Variants in RGP1 observed in about 807,000 individuals in gnomAD.
RGP1 encodes the protein RGP1 partner of RAB6A GEF complex.
RGP1 carries 28 observed loss-of-function variants against 44.5 expected under a neutral mutation model. The ratio of observed to expected loss-of-function variants is 0.63; its 90% CI spans 0.47 to 0.86. The LOEUF is 0.86. RGP1 is among the 40% of genes least tolerant of loss of function. The probability of loss-of-function intolerance (pLI) is 0.00; values close to 1 mark genes in which losing one functional copy is unlikely to be tolerated. For synonymous variants in RGP1, 212 were observed against 196.7 expected, an observed-to-expected ratio of 1.08 and a Z score of -0.65; for missense variants, 417 against 490.7, an observed-to-expected ratio of 0.85 and a Z score of 1.42.
the RGP1 span, among the ~76,000 whole-genome samples, chr9:35,775,795 A>C: frequency 1.3e-5 from 2 of 152,152 alleles, 1 homozygote; most frequent in South Asian, 4.1e-4. Flanking sequence ...TTTTTGCTTT[A>C]CTCTTCCAGA....
At chr9:35,772,791 A>AT in the RGP1 span, among the ~76,000 whole-genome samples, 64 of 57,432 alleles carry the variant, frequency 1.1e-3, no homozygotes, top group East Asian at 0.01. Context: ...ACTCTGTCTC[A>AT]AAAAAAAAAA....
rs768751976 is a variant in RGP1, at chr9:35,749,405, C to T, written c.-23C>T. 1 of 558,380 alleles carries T rather than the reference C, an allele frequency of 1.8e-6. No individual in the cohort carries two copies. Among genetic ancestry groups the T allele is most frequent in the Non-Finnish European group, 3.6e-6 (1 of 275,814 alleles). 34.6% of individuals were successfully genotyped at this position (558,380 alleles called of 1,614,324 possible). A position where few individuals can be genotyped will look rare whatever the true frequency, so the allele number is the denominator to read the frequency against. ...GTGCCGATCCCTAGTGTCGACTATGCGAGGTGACTAGCGGCGGTGATCTTG... is the reference window on the plus strand; with the variant it reads ...GTGCCGATCCCTAGTGTCGACTATGTGAGGTGACTAGCGGCGGTGATCTTG... On this transcript the variant is annotated 5_prime_UTR_variant, in exon 1 of 9. An upstream open reading frame in the 5' UTR gains an earlier in-frame stop. Transcript: ENST00000378078. This position sits in a 1 kb window ranked among gnomAD's most constrained non-coding sequence, Gnocchi z 4.4.
the RGP1 span, among the ~76,000 whole-genome samples, chr9:35,773,526 G>A: frequency 1.3e-5 from 2 of 148,842 alleles, 1 homozygote; most frequent in Admixed American, 1.3e-4. Flanking sequence ...TTTTTGAGAC[G>A]GAGGCTGCTT....
chr9:35,767,283 GT>G, the RGP1 span, among the ~76,000 whole-genome samples: 3,205 of 108,372 alleles, frequency 0.03, 82 homozygotes, highest in African/African-American at 0.099. Flanking sequence ...AAGCAAATTG[GT>G]TTTTTTTTTT....
chr9:35,769,390 G>T, the RGP1 span, among the ~76,000 whole-genome samples: 2 of 149,986 alleles, frequency 1.3e-5, no homozygotes, highest in East Asian at 3.9e-4. Context: ...TTTCTCATTC[G>T]CTCATTCTTT....
chr9:35,771,086 T>C, the RGP1 span, among the ~76,000 whole-genome samples: 1 of 152,216 alleles, frequency 6.6e-6, no homozygotes. Context: ...TCTTTGCCTC[T>C]ATCTTTGCCC....
chr9:35,755,331 G>A lies in RGP1; in HGVS notation c.*2457G>A, dbSNP rs1347898732. ...AGCAGTTGCTGTGATTGGGGCTAAA[G>A]CTCTGAGGCAAAATGGGCGACATTA... On this transcript the variant is annotated 3_prime_UTR_variant, in exon 9 of 9. Coordinates refer to ENST00000378078, the MANE Select transcript of RGP1 (RefSeq NM_001080496.3). The A allele has an allele frequency of 6.6e-6, 1 of 152,240 alleles. No individual in the cohort carries two copies. The highest frequency in any genetic ancestry group is 1.5e-5 in the Non-Finnish European group (1 of 68,062). 9.4% of individuals were successfully genotyped at this position (152,240 alleles called of 1,614,324 possible).
chr9:35,774,200 A>G, the RGP1 span, among the ~76,000 whole-genome samples: 1 of 152,206 alleles, frequency 6.6e-6, no homozygotes, highest in African/African-American at 2.4e-5. Flanking sequence ...GTCATACCCC[A>G]GTTCTACCAC....
chr9:35,775,239 T>C, the RGP1 span, among the ~76,000 whole-genome samples: 1 of 152,194 alleles, frequency 6.6e-6, no homozygotes, highest in East Asian at 1.9e-4. Flanking sequence ...CCAGAGGGCA[T>C]TTAATCCAGA....
the RGP1 span, among the ~76,000 whole-genome samples, chr9:35,775,792 T>G: frequency 6.6e-6 from 1 of 152,230 alleles, no homozygotes; most frequent in East Asian, 1.9e-4. Context: ...AAATTTTTGC[T>G]TTACTCTTCC....
At chr9:35,777,032 A>C in the RGP1 span, among the ~76,000 whole-genome samples, 192 of 151,504 alleles carry the variant, frequency 1.3e-3, no homozygotes, top group African/African-American at 4.4e-3. Flanking sequence ...GAAAATCAAA[A>C]TAATTGAATT....
At chr9:35,783,129 A>G in the RGP1 span, among the ~76,000 whole-genome samples, 1 of 152,050 alleles carries the variant, frequency 6.6e-6, no homozygotes, top group Non-Finnish European at 1.5e-5. Context: ...TTATTCATTT[A>G]TTCATTTATT....
the RGP1 span, among the ~76,000 whole-genome samples, chr9:35,769,904 A>G: frequency 6.6e-6 from 1 of 152,202 alleles, no homozygotes; most frequent in East Asian, 1.9e-4. Context: ...AAATTAACTT[A>G]AAAATTTTAA....
chr9:35,764,000 C>T, the RGP1 span, among the ~76,000 whole-genome samples: 1 of 151,518 alleles, frequency 6.6e-6, no homozygotes, highest in Non-Finnish European at 1.5e-5. Flanking sequence ...GAGGGACTTC[C>T]TTTTTTTACT....
chr9:35,787,097 C>CA, the RGP1 span, among the ~76,000 whole-genome samples: 213 of 132,016 alleles, frequency 1.6e-3, 2 homozygotes, highest in Non-Finnish European at 2.6e-3. Flanking sequence ...AAGACTCTGT[C>CA]AAAAAAAAAA....
intron 8 of RGP1, 59 bp from the exon 9 acceptor site, chr9:35,752,592 C>T: frequency 7.4e-7 from 1 of 1,353,006 alleles, no homozygotes; most frequent in East Asian, 2.5e-5. Context: ...TATATCCTGT[C>T]ATTGGCTTTT....
Position 35,753,660 on chromosome 9 carries a change from G to A in RGP1, c.*786G>A, listed in dbSNP as rs75446899. 2.8e-3 allele frequency: 4,454 copies of A among 1,612,528 alleles called. 98 individuals carry two copies. The African/African-American group carries it at 0.048, about 17-fold the overall frequency. ...TCTCTGGCCATCTTTGGTCACTCAC[G>A]TGTCACAGCAGCCCACGCCAACAGG... On this transcript the variant is annotated 3_prime_UTR_variant, in exon 9 of 9. Coordinates refer to ENST00000378078, the MANE Select transcript of RGP1 (RefSeq NM_001080496.3). This position sits in a 1 kb window ranked among gnomAD's most constrained non-coding sequence, Gnocchi z 4.2.
Position 35,753,418 on chromosome 9 carries a change from A to G in RGP1, c.*544A>G. The G allele has an allele frequency of 1.0e-6, 1 of 957,322 alleles. No individual in the cohort carries two copies. The highest frequency in any genetic ancestry group is 1.5e-6 in the Non-Finnish European group (1 of 654,526). 59.3% of individuals were successfully genotyped at this position (957,322 alleles called of 1,614,324 possible). A position where few individuals can be genotyped will look rare whatever the true frequency, so the allele number is the denominator to read the frequency against. Reference sequence around the variant, plus strand: ...CCTTGGTCCTCCTAACTAAGCTGTCACCTACCATATGTGGGCCTTTTTGTT... The same window carrying G: ...CCTTGGTCCTCCTAACTAAGCTGTCGCCTACCATATGTGGGCCTTTTTGTT... On this transcript the variant is annotated 3_prime_UTR_variant, in exon 9 of 9. Coordinates refer to ENST00000378078, the MANE Select transcript of RGP1 (RefSeq NM_001080496.3). This position sits in a 1 kb window ranked among gnomAD's most constrained non-coding sequence, Gnocchi z 4.2.
Position 35,752,690 on chromosome 9 carries a change from C to A in RGP1, c.992C>A (p.Ser331Tyr). 1 of 1,613,332 alleles carries A rather than the reference C, an allele frequency of 6.2e-7. No individual in the cohort carries two copies. The highest frequency in any genetic ancestry group is 8.5e-7 in the Non-Finnish European group (1 of 1,179,648). ...KWRLHFEFVT[S>Y]REPGLVLLPP... Reference sequence around the variant, plus strand: ...AGATTGCATTTTGAATTTGTAACGTCCCGAGAACCAGGATTGGTACTCCTA... The same window carrying A: ...AGATTGCATTTTGAATTTGTAACGTACCGAGAACCAGGATTGGTACTCCTA... The change falls in exon 9 of 9, where the codon TCC becomes TAC. Residue 331 changes from serine to tyrosine, a missense_variant. Transcript: ENST00000378078.
Sources: allele counts gnomAD v4.1 joint callset (sites outside exome capture counted in the v4.1 genomes callset), GRCh38; gene constraint gnomAD v4.1.1; non-coding constraint Gnocchi (gnomAD v3.1); transcripts MANE v1.5; gene names NCBI Gene and HGNC (gene_info 2026-07-23, HGNC 2026-07-21).